PLCXD3: variants seen among roughly 807,000 people sequenced by gnomAD.
PLCXD3 encodes the protein PI-PLC X domain-containing protein 3.
A neutral mutation model predicts 25.5 loss-of-function variants in PLCXD3; 19 were observed. That is an observed-to-expected ratio of 0.75 (90% CI 0.52 to 1.09). The LOEUF (loss-of-function observed/expected upper bound fraction) is 1.09. PLCXD3 is among the 50% of genes least tolerant of loss of function. PLCXD3 has a pLI of 0.00. For synonymous variants in PLCXD3, 174 were observed against 137.6 expected (o/e 1.26, Z -1.85); for missense variants, 411 against 388.1 (o/e 1.06, Z -0.50).
chr5:41,327,511 T>G (rs1743668171), intron 2 of PLCXD3, among the ~76,000 whole-genome samples: 1 of 152,174 alleles, frequency 6.6e-6, no homozygotes, highest in African/African-American at 2.4e-5. Flanking sequence ...ACTTCTCAGA[T>G]TGCTGTGAGA....
intron 1 of PLCXD3, among the ~76,000 whole-genome samples, chr5:41,400,704 G>A (rs1746154057): frequency 6.6e-6 from 1 of 151,832 alleles, no homozygotes; most frequent in Non-Finnish European, 1.5e-5. Context: ...AATAATGAGG[G>A]GCTTCAGAGG....
chr5:41,356,359 G>A (rs139901831), intron 2 of PLCXD3, among the ~76,000 whole-genome samples: 4 of 152,236 alleles, frequency 2.6e-5, no homozygotes, highest in East Asian at 1.9e-4. Flanking sequence ...GCTTTGTATC[G>A]GTGAAGAAAA....
intron 1 of PLCXD3, among the ~76,000 whole-genome samples, chr5:41,477,800 C>T (rs1038622686): frequency 2.0e-5 from 3 of 152,160 alleles, no homozygotes; most frequent in Non-Finnish European, 4.4e-5. Flanking sequence ...TGCAACTGAC[C>T]TAATTTGTAA....
intron 2 of PLCXD3, among the ~76,000 whole-genome samples, chr5:41,327,572 C>T (rs578100685): frequency 6.6e-6 from 1 of 152,086 alleles, no homozygotes; most frequent in Admixed American, 6.6e-5. Flanking sequence ...TCTTTATAGC[C>T]AAGATGTTAC....
At chr5:41,376,967 T>C (rs1200807293) in intron 2 of PLCXD3, among the ~76,000 whole-genome samples, 1 of 152,156 alleles carries the variant, frequency 6.6e-6, no homozygotes, top group East Asian at 1.9e-4. Flanking sequence ...TGCAGTCACT[T>C]CTTTGGAGTC....
chr5:41,493,226 G>A (rs1193737770), intron 1 of PLCXD3, among the ~76,000 whole-genome samples: 1 of 152,188 alleles, frequency 6.6e-6, no homozygotes, highest in Admixed American at 6.5e-5. Context: ...GGTACCAGCA[G>A]GGGTGGCTGC....
chr5:41,502,971 C>T (rs1169280806), intron 1 of PLCXD3, among the ~76,000 whole-genome samples: 1 of 152,150 alleles, frequency 6.6e-6, no homozygotes, highest in Non-Finnish European at 1.5e-5. Flanking sequence ...CTTTACATCC[C>T]CTGACAACCT....
chr5:41,393,483 T>C (rs1018678749), intron 1 of PLCXD3, among the ~76,000 whole-genome samples: 66 of 152,282 alleles, frequency 4.3e-4, no homozygotes, highest in African/African-American at 1.5e-3. Flanking sequence ...CCTTCAAACA[T>C]GAAGCAGAAA....
intron 1 of PLCXD3, among the ~76,000 whole-genome samples, chr5:41,425,349 G>A (rs1746930867): frequency 6.6e-6 from 1 of 151,618 alleles, no homozygotes; most frequent in African/African-American, 2.4e-5. Flanking sequence ...AAGTTTCCAG[G>A]AAAATTAAGC....
intron 1 of PLCXD3, among the ~76,000 whole-genome samples, chr5:41,469,952 T>G (rs139933649): frequency 4.7e-4 from 71 of 152,302 alleles, no homozygotes; most frequent in Non-Finnish European, 8.4e-4. Context: ...GTGAGTGAGA[T>G]GGAGAATGAG....
intron 2 of PLCXD3, among the ~76,000 whole-genome samples, chr5:41,342,691 G>T (rs1744185721): frequency 6.6e-6 from 1 of 151,998 alleles, no homozygotes; most frequent in Non-Finnish European, 1.5e-5. Context: ...TGAGTCAATA[G>T]AACTTTTGTA....
rs562682978 is a variant in PLCXD3 at position 41,362,814 on chromosome 5, G to T, written c.812+19012C>A. Among the ~76,000 whole-genome samples, 144 of 152,266 alleles carry T rather than the reference G, an allele frequency of 9.5e-4. 2 individuals are homozygous for T. The highest frequency in any genetic ancestry group is 1.5e-4 in the Non-Finnish European group (10 of 68,006). On this transcript the variant is annotated intron_variant, in intron 2 of 2. Coordinates refer to ENST00000377801, the MANE Select transcript of PLCXD3 (RefSeq NM_001005473.3). ...CGTAGTCCAGGAAGAAGAAATAAGG[G>T]CAATTCACTTGGTTTAGGGTCATTC...
At position 41,350,626 on chromosome 5, in the gene PLCXD3, A is replaced by G. The variant is rs927976088; in HGVS notation, c.812+31200T>C. Among the ~76,000 whole-genome samples the G allele has an allele frequency of 5.9e-5, 9 of 152,252 alleles. 1 individual carries two copies. Among genetic ancestry groups the G allele is most frequent in the Admixed American group, 4.6e-4 (7 of 15,288 alleles). Reference sequence around the variant, plus strand: ...AAATACAATAGGGTATTCTGAGCATATAACGTGAATCAGCATAATCAGGTG... The same window carrying G: ...AAATACAATAGGGTATTCTGAGCATGTAACGTGAATCAGCATAATCAGGTG... On this transcript the variant is annotated intron_variant, in intron 2 of 2. Coordinates refer to ENST00000377801, the MANE Select transcript of PLCXD3 (RefSeq NM_001005473.3).
At chr5:41,397,988 G>A (rs7735118) in intron 1 of PLCXD3, among the ~76,000 whole-genome samples, 16,523 of 152,222 alleles carry the variant, frequency 0.11, 1,079 homozygotes, top group Admixed American at 0.17. Context: ...TCATATTACA[G>A]GATCATTGAT....
chr5:41,452,948 T>C (rs559904005), intron 1 of PLCXD3, among the ~76,000 whole-genome samples: 1 of 152,146 alleles, frequency 6.6e-6, no homozygotes, highest in Admixed American at 6.6e-5. Flanking sequence ...TATGTATACA[T>C]TGTGGAATAG....
intron 1 of PLCXD3, among the ~76,000 whole-genome samples, chr5:41,407,199 T>A (rs1746378082): frequency 6.6e-6 from 1 of 152,196 alleles, no homozygotes; most frequent in Non-Finnish European, 1.5e-5. Context: ...CAGTACATGG[T>A]CCTCTATGTA....
intron 1 of PLCXD3, among the ~76,000 whole-genome samples, chr5:41,455,270 T>G (rs1747727410): frequency 6.6e-6 from 1 of 151,992 alleles, no homozygotes; most frequent in Non-Finnish European, 1.5e-5. Flanking sequence ...TAGCTCATGG[T>G]AATTTGTTAC....
At chr5:41,329,590 AT>A (rs2150473273) in intron 2 of PLCXD3, among the ~76,000 whole-genome samples, 1 of 152,172 alleles carries the variant, frequency 6.6e-6, no homozygotes, top group East Asian at 1.9e-4. Flanking sequence ...AATAAAAGTA[AT>A]TTTTTACAAA....
chr5:41,384,729 T>C (rs1745583696), intron 1 of PLCXD3, among the ~76,000 whole-genome samples: 1 of 152,130 alleles, frequency 6.6e-6, no homozygotes, highest in South Asian at 2.1e-4. Flanking sequence ...TCACCACTTT[T>C]GAAAACACTG....
Sources: gnomAD v4.1 joint callset for allele counts (sites outside exome capture counted in the v4.1 genomes callset) on GRCh38, gnomAD v4.1.1 for gene constraint, MANE v1.5 for transcripts, NCBI Gene and HGNC (gene_info 2026-07-23, HGNC 2026-07-21) for gene names.